PAICS: variants seen among roughly 807,000 people sequenced by gnomAD.
PAICS encodes phosphoribosylaminoimidazole carboxylase and phosphoribosylaminoimidazolesuccinocarboxamide synthase.
A neutral mutation model predicts 53.7 loss-of-function variants in PAICS; 33 were observed. The observed-to-expected ratio is 0.61, with a 90% CI of 0.47 to 0.82. PAICS has a LOEUF of 0.82. Ranked by LOEUF, PAICS falls within the 40% of genes least tolerant of loss-of-function variation. The pLI is 0.00. For missense variants in PAICS, 394 were observed against 494.1 expected (o/e 0.80, Z 1.92); for synonymous variants, 141 against 167.2 (o/e 0.84, Z 1.21).
chr4:56,435,598 AG>A, upstream of PAICS: 1 of 1,546,322 alleles, frequency 6.5e-7, no homozygotes, highest in African/African-American at 1.4e-5. Context: ...TTCCTTCCCG[AG>A]GGTGGCCCCA....
Position 56,459,492 on chromosome 4 carries a change from T to C in PAICS, c.1232T>C (p.Ile411Thr), listed in dbSNP as rs1429399080. 1 of 1,591,790 alleles carries C rather than the reference T, an allele frequency of 6.3e-7. No individual in the cohort carries two copies. ...CGAGCAAGCATTTTGAACACATGGA[T>C]TTCCTTGAAGCAGGCTGACAAGAAA... Reference protein sequence around the residue: ...KLRASILNTWISLKQADKKIR... With the variant: ...KLRASILNTWTSLKQADKKIR... The change falls in exon 9 of 9, where the codon ATT becomes ACT. Residue 411 changes from isoleucine (I) to threonine (T), a missense_variant. By Grantham distance (89) the Ile-to-Thr change is moderately conservative (BLOSUM62 -1). Coordinates refer to ENST00000512576, the MANE Select transcript of PAICS (RefSeq NM_001079524.2).
At chr4:56,424,668 G>C in the PAICS span, among the ~76,000 whole-genome samples, 7 of 152,320 alleles carry the variant, frequency 4.6e-5, no homozygotes, top group Middle Eastern at 3.4e-3. Flanking sequence ...ATAAGCGAGA[G>C]AGGATAAAAG....
chr4:56,446,635 A>G, intron 2 of PAICS, 60 bp from the exon 3 acceptor site: 1 of 1,008,814 alleles, frequency 9.9e-7, no homozygotes, highest in South Asian at 1.6e-5. Context: ...ATTGTGCCTC[A>G]GATCTACCTT....
At chr4:56,418,413 C>T in the PAICS span, among the ~76,000 whole-genome samples, 34 of 152,186 alleles carry the variant, frequency 2.2e-4, no homozygotes, top group Admixed American at 6.5e-4. Flanking sequence ...TCCACCTCCC[C>T]GACTCAAGCA....
chr4:56,436,047 C>T, upstream of PAICS: 3 of 1,513,022 alleles, frequency 2.0e-6, no homozygotes, highest in Non-Finnish European at 2.7e-6. Flanking sequence ...GGCACTGCGC[C>T]AGCGCGGGGC....
chr4:56,431,654 C>T (rs964236895), upstream of PAICS: 30 of 290,296 alleles, frequency 1.0e-4, no homozygotes, highest in African/African-American at 6.8e-4. Flanking sequence ...ATGGTTATCT[C>T]CTAATCAAGG....
the PAICS span, among the ~76,000 whole-genome samples, chr4:56,412,529 T>A: frequency 1.3e-5 from 2 of 152,162 alleles, no homozygotes; most frequent in Admixed American, 1.3e-4. Context: ...CTTGAACTCC[T>A]GGGTTCAAGA....
At chr4:56,451,751 C>T in intron 6 of PAICS, 121 bp from the exon 7 acceptor site, 1 of 541,622 alleles carries the variant, frequency 1.8e-6, no homozygotes, top group Middle Eastern at 5.3e-4. Context: ...TTGTCTCTGT[C>T]TTAAATTTGA....
At chr4:56,432,729 G>A (rs1717661983), upstream of PAICS, among the ~76,000 whole-genome samples, 1 of 149,802 alleles carries the variant, frequency 6.7e-6, no homozygotes, top group African/African-American at 2.5e-5. Context: ...AGCTTGCAGT[G>A]AGGGGAGACT....
intron 6 of PAICS, among the ~76,000 whole-genome samples, 185 bp from the exon 7 acceptor site, chr4:56,451,687 C>G (rs6821301): frequency 0.16 from 24,823 of 152,020 alleles, 2,365 homozygotes; most frequent in Admixed American, 0.32. Context: ...TTGATGAAGA[C>G]CACTTTCCTT....
Position 56,462,193 on chromosome 4 carries a change from T to C in PAICS, c.*2655T>C, listed in dbSNP as rs1026890195. On this transcript the variant is annotated 3_prime_UTR_variant, in exon 9 of 9. Coordinates refer to ENST00000512576, the MANE Select transcript of PAICS (RefSeq NM_001079524.2). Reference sequence around the variant, plus strand: ...GTTTTTGAGGAGAGCAGAGCAATGATGTAAAAGCAAGACACACAGATAGGG... The same window carrying C: ...GTTTTTGAGGAGAGCAGAGCAATGACGTAAAAGCAAGACACACAGATAGGG... 1 of 152,184 alleles carries C rather than the reference T, an allele frequency of 6.6e-6. No individual in the cohort carries two copies. Among genetic ancestry groups the C allele is most frequent in the African/African-American group, 2.4e-5 (1 of 41,446 alleles). 9.4% of individuals were successfully genotyped at this position (152,184 alleles called of 1,614,324 possible). A position where few individuals can be genotyped will look rare whatever the true frequency, so the allele number is the denominator to read the frequency against.
chr4:56,456,030 T>C (rs754391291), intron 8 of PAICS, among the ~76,000 whole-genome samples: 2 of 152,092 alleles, frequency 1.3e-5, no homozygotes, highest in Non-Finnish European at 2.9e-5. Flanking sequence ...TTCTACTTGT[T>C]TGTCTTGTTG....
Position 56,441,130 on chromosome 4 carries a change from A to G in PAICS, c.17-533A>G, listed in dbSNP as rs150209690. Among the ~76,000 whole-genome samples the G allele has an allele frequency of 1.2e-3, 178 of 152,318 alleles. 2 individuals carry two copies. The East Asian group carries it at 0.025, about 22-fold the overall frequency. ...GCCTCCTCTTGAATATTAACTTGAA[A>G]TCAAGAAACTCATCTGGCTGAATGT... On this transcript the variant is annotated intron_variant, in intron 1 of 8. Coordinates refer to ENST00000512576, the MANE Select transcript of PAICS (RefSeq NM_001079524.2).
intron 2 of PAICS, among the ~76,000 whole-genome samples, chr4:56,444,833 T>C (rs1057364700): frequency 1.8e-4 from 27 of 152,152 alleles, no homozygotes; most frequent in African/African-American, 5.5e-4. Flanking sequence ...TATCTTTATA[T>C]TAAAAACAAT....
upstream of PAICS, chr4:56,436,020 C>T: frequency 2.6e-6 from 4 of 1,525,322 alleles, no homozygotes; most frequent in Non-Finnish European, 3.5e-6. Context: ...CAGTGCGCGC[C>T]ACTTTTCGCC....
At chr4:56,453,787 C>G in intron 8 of PAICS, 26 bp downstream of exon 8, 1 of 1,497,758 alleles carries the variant, frequency 6.7e-7, no homozygotes, top group Non-Finnish European at 9.1e-7. Flanking sequence ...TTTTTAAAAA[C>G]TGTTCATTAC....
chr4:56,414,880 A>C, the PAICS span, among the ~76,000 whole-genome samples: 53 of 152,240 alleles, frequency 3.5e-4, no homozygotes, highest in Admixed American at 1.6e-3. Flanking sequence ...ATTCCTCGAC[A>C]ACATTTTAGC....
the PAICS span, among the ~76,000 whole-genome samples, chr4:56,428,746 A>C: frequency 6.6e-6 from 1 of 152,224 alleles, no homozygotes; most frequent in South Asian, 2.1e-4. Context: ...ATCATTAAAA[A>C]TAGGTACCTA....
rs1719584692 is a variant in PAICS at position 56,463,521 on chromosome 4, C to G, written c.*3983C>G. 2 of 151,506 alleles carry G rather than the reference C, an allele frequency of 1.3e-5. No individual in the cohort carries two copies. The highest frequency in any genetic ancestry group is 4.9e-5 in the African/African-American group (2 of 41,158). 9.4% of individuals were successfully genotyped at this position (151,506 alleles called of 1,614,324 possible). ...CCAGCCTGACTGACATGGAGAAACC[C>G]CCTCTTTACTAAAAATACAAAATTA... On this transcript the variant is annotated 3_prime_UTR_variant, in exon 9 of 9. Transcript: ENST00000512576.
Sources: gnomAD v4.1 joint callset for allele counts (sites outside exome capture counted in the v4.1 genomes callset) on GRCh38, gnomAD v4.1.1 for gene constraint, MANE v1.5 for transcripts, NCBI Gene and HGNC (gene_info 2026-07-23, HGNC 2026-07-21) for gene names.